Variants in ZNF560 observed in about 807,000 individuals in gnomAD.
ZNF560 encodes zinc finger protein 560.
In ZNF560, 54 loss-of-function variants were observed where a neutral mutation model predicts 81.8. The ratio of observed to expected loss-of-function variants is 0.66; its 90% CI spans 0.53 to 0.83. ZNF560 has a LOEUF of 0.83. Among genes scored for constraint, ZNF560 ranks in the 40% least tolerant of loss-of-function variants. The pLI, the probability that ZNF560 is intolerant of heterozygous loss-of-function variation, is 0.00. For synonymous variants in ZNF560, 321 were observed against 317.9 expected (o/e 1.01, Z -0.10); for missense variants, 940 against 932.4 (o/e 1.01, Z -0.11).
In ZNF560 at chr19:9,474,283, C is replaced by T; in HGVS notation, c.73G>A (p.Glu25Lys). The T allele has an allele frequency of 6.2e-7, 1 of 1,614,138 alleles. No homozygotes were observed. Among genetic ancestry groups the T allele is most frequent in the Non-Finnish European group, 8.5e-7 (1 of 1,180,002 alleles). Residue 25 changes from glutamate to lysine, a missense_variant, in exon 4 of 10, where the codon GAG (glutamate) becomes AAG (lysine). Transcript: ENST00000301480. ...FEDTAVDFTQ[E>K]EWILLDPVQR... is the part of the protein sequence containing the mutation. ...ACTGGGTCCAGTAAAATCCACTCCT[C>T]CTGGGTGAAGTCCACAGCTGTATCC...
chr19:9,457,309 C>T, the ZNF560 span, among the ~76,000 whole-genome samples: 1 of 152,190 alleles, frequency 6.6e-6, no homozygotes, highest in Non-Finnish European at 1.5e-5. Flanking sequence ...CCTTTAATAG[C>T]CATAGATTTA....
At chr19:9,464,136 G>T (rs2072978387), downstream of ZNF560, among the ~76,000 whole-genome samples, 2 of 152,268 alleles carry the variant, frequency 1.3e-5, no homozygotes, top group South Asian at 4.1e-4. Flanking sequence ...ACTGGAACCT[G>T]GTTATGCAGC....
chr19:9,454,995 C>T, the ZNF560 span, among the ~76,000 whole-genome samples: 3 of 152,130 alleles, frequency 2.0e-5, no homozygotes, highest in African/African-American at 7.2e-5. Context: ...CCCTCTGGAT[C>T]TTTCTTTTCT....
intron 2 of ZNF560, among the ~76,000 whole-genome samples, chr19:9,484,420 C>T (rs1034815150): frequency 1.3e-5 from 2 of 152,068 alleles, no homozygotes; most frequent in Non-Finnish European, 2.9e-5. Flanking sequence ...TTGAAGTGTG[C>T]TCTAAATGTG....
chr19:9,495,953 C>G (rs561887124), intron 2 of ZNF560, among the ~76,000 whole-genome samples: 2 of 152,164 alleles, frequency 1.3e-5, no homozygotes, highest in African/African-American at 2.4e-5. Context: ...AATTTTTACA[C>G]TTTACAATAC....
downstream of ZNF560, among the ~76,000 whole-genome samples, chr19:9,463,489 G>T (rs2072966560): frequency 1.3e-5 from 2 of 152,120 alleles, no homozygotes; most frequent in Non-Finnish European, 2.9e-5. Context: ...GGCATCTAAG[G>T]ACAGTCTGTG....
chr19:9,467,806 A>C lies in ZNF560; in HGVS notation c.1141T>G (p.Cys381Gly). The C allele has an allele frequency of 2.5e-6, 4 of 1,614,196 alleles. No homozygotes were observed. The highest frequency in any genetic ancestry group is 1.1e-5 in the South Asian group (1 of 91,088). ...GACGGCACAGTGAAGGTTTTGCCAC[A>C]GTGCTTACATTTATAAGGTTTTATC... is the stretch of plus-strand genomic sequence containing the variant. The part of the protein sequence containing the change: ...IGIKPYKCKH[C>G]GKTFTVPSGF... The change falls in exon 10 of 10, where the codon TGT becomes GGT. Residue 381 changes from cysteine to glycine, a missense_variant. Physicochemically the swap from Cys to Gly is radical, Grantham distance 159 (BLOSUM62 -3). Transcript: ENST00000301480.
At chr19:9,470,633 T>A in intron 6 of ZNF560, 115 bp from the exon 7 acceptor site, 1 of 1,446,890 alleles carries the variant, frequency 6.9e-7, no homozygotes, top group Non-Finnish European at 9.6e-7. Context: ...TCCCACTATC[T>A]ACACCCCAAG....
chr19:9,452,669 A>T, the ZNF560 span, among the ~76,000 whole-genome samples: 1 of 152,212 alleles, frequency 6.6e-6, no homozygotes, highest in East Asian at 1.9e-4. Flanking sequence ...TAAATACTAC[A>T]TGTTCTCATT....
intron 2 of ZNF560, among the ~76,000 whole-genome samples, chr19:9,485,641 G>A (rs2073373441): frequency 6.6e-6 from 1 of 151,710 alleles, no homozygotes; most frequent in African/African-American, 2.4e-5. Flanking sequence ...CACCTCCTGG[G>A]TTCAATTGAT....
intron 2 of ZNF560, among the ~76,000 whole-genome samples, chr19:9,483,274 C>T (rs545834296): frequency 1.2e-4 from 18 of 151,402 alleles, no homozygotes; most frequent in Admixed American, 5.9e-4. Context: ...TCTGCCCCGC[C>T]GCCCCGTCTG....
the ZNF560 span, among the ~76,000 whole-genome samples, chr19:9,448,498 G>T: frequency 6.9e-6 from 1 of 145,878 alleles, no homozygotes; most frequent in African/African-American, 2.6e-5. Flanking sequence ...GCCTCCCAAA[G>T]TGCTGAGATT....
At position 9,467,403 on chromosome 19, in the gene ZNF560, G is replaced by A; in HGVS notation, c.1544C>T (p.Pro515Leu). ...TTTCCCACATTTGTAACACTTAAAG[G>A]GCTTCTCACCAGTGTGAGTTCTCAA... ...AHLRTHTGEKPFKCYKCGKPF... is the reference protein window; with the variant it reads ...AHLRTHTGEKLFKCYKCGKPF... Residue 515 changes from proline to leucine, a missense_variant, in exon 10 of 10, where the codon CCC becomes CTC. Pro to Leu is a moderately conservative substitution (Grantham distance 98). Transcript: ENST00000301480. 1 of 1,614,090 alleles carries A rather than the reference G, an allele frequency of 6.2e-7. No individual in the cohort carries two copies. Among genetic ancestry groups the A allele is most frequent in the Non-Finnish European group, 8.5e-7 (1 of 1,180,002 alleles).
intron 2 of ZNF560, among the ~76,000 whole-genome samples, chr19:9,493,855 A>G (rs28598273): frequency 0.15 from 22,578 of 152,026 alleles, 2,485 homozygotes; most frequent in African/African-American, 0.3. Flanking sequence ...ACATGGCTTC[A>G]GGCATGGTGG....
At chr19:9,459,109 A>G in the ZNF560 span, among the ~76,000 whole-genome samples, 304 of 152,334 alleles carry the variant, frequency 2.0e-3, 3 homozygotes, top group South Asian at 8.7e-3. Context: ...AATATTGAAG[A>G]CATTACTGGT....
At chr19:9,482,615 C>A (rs1016492619) in intron 2 of ZNF560, among the ~76,000 whole-genome samples, 3 of 151,672 alleles carry the variant, frequency 2.0e-5, no homozygotes, top group Non-Finnish European at 4.4e-5. Context: ...AAGAGCAAGA[C>A]CCTTTCTCAA....
the ZNF560 span, among the ~76,000 whole-genome samples, chr19:9,503,730 G>A: frequency 6.7e-6 from 1 of 148,984 alleles, no homozygotes; most frequent in Non-Finnish European, 1.5e-5. Context: ...GTAGAGACAG[G>A]GGTTCACTAT....
chr19:9,468,584 T>C (rs2073071401), intron 9 of ZNF560, among the ~76,000 whole-genome samples: 1 of 152,218 alleles, frequency 6.6e-6, no homozygotes, highest in African/African-American at 2.4e-5. Context: ...TGTCTAGTTA[T>C]ACATGTTGGA....
At chr19:9,500,016 A>G (rs1362455950), upstream of ZNF560, among the ~76,000 whole-genome samples, 1 of 152,122 alleles carries the variant, frequency 6.6e-6, no homozygotes, top group East Asian at 1.9e-4. Context: ...ATCACCTATA[A>G]ATATATTTTT....
Sources: allele counts gnomAD v4.1 joint callset (sites outside exome capture counted in the v4.1 genomes callset), GRCh38; gene constraint gnomAD v4.1.1; transcripts MANE v1.5; gene names NCBI Gene and HGNC (gene_info 2026-07-23, HGNC 2026-07-21).